The following LMAN2 variants were observed in gnomAD, a reference collection of about 807,000 sequenced individuals.
LMAN2 encodes the protein lectin, mannose binding 2.
In LMAN2, 22 loss-of-function variants were observed where a neutral mutation model predicts 39.3. That is an observed-to-expected ratio of 0.56 (90% CI 0.40 to 0.80). LMAN2 has a LOEUF of 0.80. Ranked by LOEUF, LMAN2 falls within the 30% of genes least tolerant of loss-of-function variation. The probability of loss-of-function intolerance (pLI) is 0.00; values close to 1 mark genes in which losing one functional copy is unlikely to be tolerated. For missense variants in LMAN2, 494 were observed against 505.4 expected (o/e 0.98, Z 0.22); for synonymous variants, 207 against 207.8 (o/e 1.00, Z 0.03).
At chr5:177,349,453 A>G (rs879718002) in intron 2 of LMAN2, among the ~76,000 whole-genome samples, 4 of 152,210 alleles carry the variant, frequency 2.6e-5, no homozygotes, top group Non-Finnish European at 5.9e-5. Flanking sequence ...AGCACTCCAA[A>G]TGTTTCAGGA....
chr5:177,336,866 GGAA>G, intron 6 of LMAN2: 2 of 519,596 alleles, frequency 3.8e-6, no homozygotes, highest in Middle Eastern at 5.3e-4. Context: ...AGGAGGAGGA[GGAA>G]CACAGCCAGG....
At chr5:177,333,975 T>C (rs1761430804) in intron 7 of LMAN2, among the ~76,000 whole-genome samples, 1 of 152,232 alleles carries the variant, frequency 6.6e-6, no homozygotes, top group Non-Finnish European at 1.5e-5. Context: ...CACACGTTTG[T>C]TGATCAGCCA....
At chr5:177,343,126 G>C (rs564136227) in intron 2 of LMAN2, among the ~76,000 whole-genome samples, 4 of 151,990 alleles carry the variant, frequency 2.6e-5, no homozygotes, top group Admixed American at 1.3e-4. Context: ...ATGGTGGCAG[G>C]CACCTGTAGT....
In LMAN2 at chr5:177,334,347, C is replaced by G. The variant is rs763952798; in HGVS notation, c.847G>C (p.Asp283His). The change falls in exon 7 of 8, where the codon GAC becomes CAC. Residue 283 changes from aspartate to histidine, a missense_variant. By Grantham distance (81) the Asp-to-His change is moderately conservative (BLOSUM62 -1). Coordinates refer to ENST00000303127, the MANE Select transcript of LMAN2 (RefSeq NM_006816.3). ...TTGGTCCAGTCGATGCTCTCCTCGT[C>G]GGGCGTGTGCTCCACCATCAGCTGG... is the stretch of plus-strand genomic sequence containing the variant. ...LFQLMVEHTPDEESIDWTKIE... is the reference protein window; with the variant it reads ...LFQLMVEHTPHEESIDWTKIE... 5 of 1,613,664 alleles carry G rather than the reference C, an allele frequency of 3.1e-6. No individual in the cohort carries two copies. The highest frequency in any genetic ancestry group is 4.2e-6 in the Non-Finnish European group (5 of 1,180,008).
rs1581602592 is a variant in LMAN2, at chr5:177,338,429, G to T, written c.433+59C>A. The T allele has an allele frequency of 2.8e-6, 4 of 1,404,896 alleles. No individual in the cohort carries two copies. The East Asian group carries it at 6.8e-5, about 24-fold the overall frequency. The allele number at this position is 1,404,896 out of a possible 1,614,324, so 87.0% of individuals were successfully genotyped here. On this transcript the variant is annotated intron_variant, in intron 3 of 7. Transcript: ENST00000303127. ...CAGCCCCACCCCACCTCCCTAGGGG[G>T]CCAGCAGCCATGCCCGTGCCCACCC...
chr5:177,335,308 TC>T (rs1761454141), intron 6 of LMAN2, among the ~76,000 whole-genome samples: 1 of 152,184 alleles, frequency 6.6e-6, no homozygotes, highest in Non-Finnish European at 1.5e-5. Context: ...CCTGCTCGTA[TC>T]TTAGGAAAAA....
chr5:177,351,627 A>G lies in LMAN2; in HGVS notation c.21T>C (p.Ile7=), dbSNP rs1761729070. ...ACCGCCGGCCCCAGCCCCAACGCCA[A>G]ATCCAGCCTTCCGCCGCCATTCTCC... MAAEGW[I]WRWGWGRRCL... The change falls in exon 1 of 8, where the codon ATT becomes ATC. Residue 7 remains isoleucine (I), a synonymous_variant. Transcript: ENST00000303127. 2.5e-6 allele frequency: 4 copies of G among 1,595,390 alleles called. No homozygotes were observed. The highest frequency in any genetic ancestry group is 3.4e-6 in the Non-Finnish European group (4 of 1,173,382).
intron 2 of LMAN2, among the ~76,000 whole-genome samples, chr5:177,343,656 T>C (rs1304953241): frequency 1.1e-5 from 1 of 93,044 alleles, no homozygotes. Flanking sequence ...TGGAGGAACG[T>C]TCAACATATG....
chr5:177,351,626 A>G lies in LMAN2; in HGVS notation c.22T>C (p.Trp8Arg). The G allele has an allele frequency of 6.3e-7, 1 of 1,596,408 alleles. No individual in the cohort carries two copies. Among genetic ancestry groups the G allele is most frequent in the Non-Finnish European group, 8.5e-7 (1 of 1,173,774 alleles). Residue 8 changes from tryptophan (W) to arginine (R), a missense_variant, in exon 1 of 8, where the codon TGG becomes CGG. Coordinates refer to ENST00000303127, the MANE Select transcript of LMAN2 (RefSeq NM_006816.3). Reference sequence around the variant, plus strand: ...CACCGCCGGCCCCAGCCCCAACGCCAAATCCAGCCTTCCGCCGCCATTCTC... The same window carrying G: ...CACCGCCGGCCCCAGCCCCAACGCCGAATCCAGCCTTCCGCCGCCATTCTC... MAAEGWIWRWGWGRRCLG... is the reference protein window; with the variant it reads MAAEGWIRRWGWGRRCLG...
chr5:177,342,035 C>T (rs1383386915), intron 2 of LMAN2, among the ~76,000 whole-genome samples: 1 of 151,780 alleles, frequency 6.6e-6, no homozygotes, highest in Non-Finnish European at 1.5e-5. Context: ...AGAGAATAGG[C>T]AATTTGAATA....
At chr5:177,344,037 C>T (rs1404336948) in intron 2 of LMAN2, among the ~76,000 whole-genome samples, 1 of 151,470 alleles carries the variant, frequency 6.6e-6, no homozygotes, top group East Asian at 1.9e-4. Context: ...ATAGTGAGAC[C>T]CCAGCTCTAC....
At chr5:177,346,979 A>C (rs1035052264) in intron 2 of LMAN2, among the ~76,000 whole-genome samples, 3 of 152,202 alleles carry the variant, frequency 2.0e-5, no homozygotes, top group Admixed American at 2.0e-4. Flanking sequence ...CACTGTAGTC[A>C]ACAAGTAGAG....
chr5:177,345,400 AAAT>A (rs1456566808), intron 2 of LMAN2, among the ~76,000 whole-genome samples: 1 of 151,750 alleles, frequency 6.6e-6, no homozygotes, highest in African/African-American at 2.4e-5. Context: ...CTACTGAAGA[AAAT>A]AGTTTCATAA....
chr5:177,343,876 A>G (rs1228317503), intron 2 of LMAN2, among the ~76,000 whole-genome samples: 3 of 152,156 alleles, frequency 2.0e-5, no homozygotes, highest in African/African-American at 7.2e-5. Context: ...CTACACAGCA[A>G]TGTGAATGCA....
At position 177,337,884 on chromosome 5, in the gene LMAN2, G is replaced by C; in HGVS notation, c.434-99C>G. ...TGCCAACATGGGTGGGGGCAAGAGA[G>C]CCCAACCCACTGGCCATTCACCGAG... On this transcript the variant is annotated intron_variant, in intron 3 of 7. Coordinates refer to ENST00000303127, the MANE Select transcript of LMAN2 (RefSeq NM_006816.3). This position sits in a 1 kb window ranked among gnomAD's most constrained non-coding sequence, Gnocchi z 8.2. 1.0e-6 allele frequency: 1 copy of C among 998,482 alleles called. No homozygotes were observed. The highest frequency in any genetic ancestry group is 1.4e-5 in the South Asian group (1 of 73,222). The allele number at this position is 998,482 out of a possible 1,614,324, so 61.9% of individuals were successfully genotyped here.
intron 6 of LMAN2, among the ~76,000 whole-genome samples, chr5:177,334,789 T>G (rs1206234772): frequency 6.6e-6 from 1 of 152,102 alleles, no homozygotes; most frequent in Non-Finnish European, 1.5e-5. Context: ...GCAGAATAAG[T>G]GCTCAAAAAC....
intron 2 of LMAN2, among the ~76,000 whole-genome samples, chr5:177,341,166 A>C (rs535936854): frequency 1.3e-5 from 2 of 150,218 alleles, no homozygotes; most frequent in Non-Finnish European, 3.0e-5. Context: ...TCCTGGGTTC[A>C]AGCGATTCTC....
chr5:177,338,163 G>A (rs535497842), intron 3 of LMAN2, among the ~76,000 whole-genome samples: 17 of 152,254 alleles, frequency 1.1e-4, no homozygotes, highest in African/African-American at 4.1e-4. Context: ...CAGGGTCTGT[G>A]GGCCACATGC....
At chr5:177,344,214 C>A (rs1413942609) in intron 2 of LMAN2, among the ~76,000 whole-genome samples, 5 of 150,946 alleles carry the variant, frequency 3.3e-5, no homozygotes, top group African/African-American at 4.9e-5. Flanking sequence ...TGAGACCCCC[C>A]CCATCTCTAA....
Sources: gnomAD v4.1 joint callset for allele counts (sites outside exome capture counted in the v4.1 genomes callset) on GRCh38, gnomAD v4.1.1 for gene constraint, Gnocchi (gnomAD v3.1) non-coding constraint, MANE v1.5 for transcripts, NCBI Gene and HGNC (gene_info 2026-07-23, HGNC 2026-07-21) for gene names.